Variants in ROBO2 observed in about 807,000 individuals in gnomAD.
ROBO2 encodes roundabout guidance receptor 2.
A neutral mutation model predicts 160.8 loss-of-function variants in ROBO2; 53 were observed. The observed-to-expected ratio is 0.33, with a 90% confidence interval of 0.26 to 0.41. ROBO2 has a LOEUF of 0.41. Ranked by LOEUF, ROBO2 falls within the 10% of genes least tolerant of loss-of-function variation. The pLI is 1.00. For synonymous variants in ROBO2, 664 were observed against 611.7 expected (o/e 1.09, Z -1.26); for missense variants, 1,577 against 1,722.4 (o/e 0.92, Z 1.49).
intron 2 of ROBO2, among the ~76,000 whole-genome samples, chr3:76,357,537 T>C (rs1246386698): frequency 6.6e-6 from 1 of 151,922 alleles, no homozygotes; most frequent in Non-Finnish European, 1.5e-5. Context: ...CCTTTGTGGG[T>C]TGGGGTTGGC....
intron 2 of ROBO2, among the ~76,000 whole-genome samples, chr3:77,239,868 T>C (rs566424337): frequency 7.4e-4 from 113 of 152,212 alleles, no homozygotes; most frequent in African/African-American, 2.6e-3. Context: ...GATGTAAAAG[T>C]TCTCCAAGTC....
At position 76,953,736 on chromosome 3, in the gene ROBO2, G is replaced by A. The variant is rs577009539; in HGVS notation, c.110-144278G>A. ...ATACCATTAGCTGTGAAGAAAGACA[G>A]TCCTTAGAAGCAAGCACGCGCACAC... On this transcript the variant is annotated intron_variant, in intron 2 of 26. Coordinates refer to the ROBO2 transcript ENST00000487694. Among the ~76,000 whole-genome samples, 53 of 152,240 alleles carry A rather than the reference G, an allele frequency of 3.5e-4. 1 individual carries two copies. The East Asian group carries it at 6.0e-3, about 17-fold the overall frequency.
chr3:76,571,626 A>T (rs955524804), intron 2 of ROBO2, among the ~76,000 whole-genome samples: 2 of 152,182 alleles, frequency 1.3e-5, no homozygotes, highest in African/African-American at 4.8e-5. Flanking sequence ...CAGTAGTTAC[A>T]TATTTCTCTA....
chr3:76,851,704 C>T (rs1577041059), intron 2 of ROBO2, among the ~76,000 whole-genome samples: 2 of 133,200 alleles, frequency 1.5e-5, no homozygotes, highest in East Asian at 2.4e-4. Flanking sequence ...CACTGCAGTC[C>T]GCAGTCCGAG....
intron 8 of ROBO2, 42 bp downstream of exon 9, chr3:77,551,031 T>G: frequency 6.2e-7 from 1 of 1,600,554 alleles, no homozygotes; most frequent in Non-Finnish European, 8.6e-7. Flanking sequence ...AAACATTGAT[T>G]TTTATTTCTA....
chr3:77,287,444 G>C (rs1178688953), intron 2 of ROBO2, among the ~76,000 whole-genome samples: 1 of 151,796 alleles, frequency 6.6e-6, no homozygotes, highest in African/African-American at 2.4e-5. Context: ...CCATTAAAAA[G>C]AGCAAAAGTA....
intron 2 of ROBO2, among the ~76,000 whole-genome samples, chr3:76,716,905 C>T (rs2093389183): frequency 6.6e-6 from 1 of 152,136 alleles, no homozygotes; most frequent in Non-Finnish European, 1.5e-5. Flanking sequence ...CATGTCTACT[C>T]TCATGAAAAT....
intron 2 of ROBO2, among the ~76,000 whole-genome samples, chr3:77,452,227 G>T (rs2081192733): frequency 6.6e-6 from 1 of 152,122 alleles, no homozygotes; most frequent in Admixed American, 6.5e-5. Context: ...CAAATCATTT[G>T]CAAAGTATCA....
At chr3:77,026,141 T>G (rs998186908) in intron 2 of ROBO2, among the ~76,000 whole-genome samples, 1 of 152,186 alleles carries the variant, frequency 6.6e-6, no homozygotes, top group Admixed American at 6.6e-5. Context: ...CCTTCAATAC[T>G]ATAGGTTTTT....
intron 1 of ROBO2, among the ~76,000 whole-genome samples, chr3:77,086,333 T>G (rs2069303959): frequency 1.3e-5 from 2 of 152,124 alleles, no homozygotes; most frequent in South Asian, 4.1e-4. Context: ...CTCAGCAATG[T>G]TATTCGACTG....
intron 2 of ROBO2, among the ~76,000 whole-genome samples, chr3:76,692,063 G>A (rs1322861164): frequency 6.6e-6 from 1 of 152,108 alleles, no homozygotes; most frequent in African/African-American, 2.4e-5. Flanking sequence ...AGATGAAGGA[G>A]GAGGAATTGG....
intron 2 of ROBO2, among the ~76,000 whole-genome samples, chr3:76,644,182 AGGCT>A (rs2090847380): frequency 6.6e-6 from 1 of 152,192 alleles, no homozygotes; most frequent in Admixed American, 6.5e-5. Context: ...TTGCTTACCA[AGGCT>A]GCAGTAGCCC....
intron 2 of ROBO2, among the ~76,000 whole-genome samples, chr3:76,751,417 C>G (rs1408559226): frequency 2.0e-5 from 3 of 151,884 alleles, no homozygotes; most frequent in East Asian, 1.9e-4. Context: ...TCTAAAACAC[C>G]AAAAGTAACA....
intron 2 of ROBO2, among the ~76,000 whole-genome samples, chr3:76,982,579 G>A (rs1559797594): frequency 6.6e-6 from 1 of 152,086 alleles, no homozygotes; most frequent in Non-Finnish European, 1.5e-5. Flanking sequence ...TCATGTGAAT[G>A]TTAAGATTTA....
chr3:76,138,711 G>C (rs2071521009), intron 2 of ROBO2, among the ~76,000 whole-genome samples: 1 of 152,044 alleles, frequency 6.6e-6, no homozygotes, highest in Non-Finnish European at 1.5e-5. Flanking sequence ...CCAATTATTT[G>C]TAGTATTACA....
chr3:77,479,546 C>T (rs1056822788), intron 3 of ROBO2, among the ~76,000 whole-genome samples: 4 of 152,136 alleles, frequency 2.6e-5, no homozygotes, highest in East Asian at 1.9e-4. Context: ...AGCCAAAGCA[C>T]CACATTTTGG....
chr3:77,525,264 A>G (rs115797417), intron 6 of ROBO2, among the ~76,000 whole-genome samples: 1,829 of 146,716 alleles, frequency 0.012, 44 homozygotes, highest in African/African-American at 0.044. Context: ...TTCAAGATGA[A>G]ATGTTGCTAA....
chr3:77,591,311 A>G (rs978553558), intron 17 of ROBO2, among the ~76,000 whole-genome samples: 13 of 152,160 alleles, frequency 8.5e-5, no homozygotes, highest in Non-Finnish European at 1.9e-4. Context: ...CTGCAACAGT[A>G]AAGTTTCTAT....
chr3:76,859,644 A>C (rs2608143), intron 2 of ROBO2, among the ~76,000 whole-genome samples: 42,329 of 152,028 alleles, frequency 0.28, 6,483 homozygotes, highest in East Asian at 0.45. Flanking sequence ...TGTGGTGAGA[A>C]CACATGGGGA....
Sources: allele counts gnomAD v4.1 joint callset (sites outside exome capture counted in the v4.1 genomes callset), GRCh38; gene constraint gnomAD v4.1.1; transcripts MANE v1.5; gene names NCBI Gene and HGNC (gene_info 2026-07-23, HGNC 2026-07-21).